The following NUP210 variants were observed in gnomAD, a reference collection of about 807,000 sequenced individuals.
NUP210 encodes the protein nuclear pore membrane glycoprotein 210.
In NUP210, 151 loss-of-function variants were observed where a neutral mutation model predicts 196.0. That is an observed-to-expected ratio of 0.77 (90% CI 0.67 to 0.88). The LOEUF is 0.88. Ranked by LOEUF, NUP210 falls within the 40% of genes least tolerant of loss-of-function variation. The probability of loss-of-function intolerance (pLI) is 0.00; values close to 1 mark genes in which losing one functional copy is unlikely to be tolerated. For synonymous variants in NUP210, 1,070 were observed against 1,052.7 expected, an observed-to-expected ratio of 1.02 and a Z score of -0.32; for missense variants, 2,314 against 2,493.7, an observed-to-expected ratio of 0.93 and a Z score of 1.53.
intron 3 of NUP210, among the ~76,000 whole-genome samples, chr3:13,395,941 G>A (rs918962432): frequency 3.3e-5 from 5 of 152,188 alleles, no homozygotes; most frequent in African/African-American, 9.7e-5. Context: ...GAGTACTCAC[G>A]CAAGACCGAA....
At chr3:13,341,557 T>C (rs1053666348) in intron 23 of NUP210, among the ~76,000 whole-genome samples, 191 bp downstream of exon 23, 1 of 152,200 alleles carries the variant, frequency 6.6e-6, no homozygotes, top group Admixed American at 6.5e-5. Context: ...CTCCCTCTGG[T>C]TCTGCCAGTC....
At chr3:13,351,176 A>C (rs938294771) in intron 20 of NUP210, among the ~76,000 whole-genome samples, 10 of 152,230 alleles carry the variant, frequency 6.6e-5, no homozygotes, top group African/African-American at 2.4e-4. Context: ...CAGAACATTA[A>C]ATTCTTCCAT....
In NUP210 at chr3:13,348,893, C is replaced by A. The variant is rs1028876218; in HGVS notation, c.2835+2986G>T. The A allele has an allele frequency of 2.1e-6, 2 of 964,070 alleles. No individual in the cohort carries two copies. Among genetic ancestry groups the A allele is most frequent in the Non-Finnish European group, 2.4e-6 (2 of 825,016 alleles). The allele number at this position is 964,070 out of a possible 1,614,324, so 59.7% of individuals were successfully genotyped here. A position where few individuals can be genotyped will look rare whatever the true frequency, so the allele number is the denominator to read the frequency against. On this transcript the variant is annotated intron_variant, in intron 20 of 39. Coordinates refer to ENST00000254508, the MANE Select transcript of NUP210 (RefSeq NM_024923.4). This position sits in a 1 kb window ranked among gnomAD's most constrained non-coding sequence, Gnocchi z 4.0. The stretch of plus-strand genomic sequence containing the variant: ...ACACCCCAAACACCAAACAAAAAAA[C>A]TGAATTAAAAAACTTATTAAACAGG...
At chr3:13,353,863 C>A (rs1346103928) in intron 17 of NUP210, 52 bp downstream of exon 17, 14 of 1,542,522 alleles carry the variant, frequency 9.1e-6, no homozygotes, top group Non-Finnish European at 1.1e-5. Context: ...GGCAGGCTTC[C>A]TGTCTGGTCT....
At chr3:13,401,256 GCT>G (rs1699827263) in intron 1 of NUP210, among the ~76,000 whole-genome samples, 2 of 21,740 alleles carry the variant, frequency 9.2e-5, no homozygotes, top group Non-Finnish European at 1.7e-4. Flanking sequence ...TGAGACTCTG[GCT>G]CAAAAAAAAA....
chr3:13,366,936 C>T (rs1698559607), intron 13 of NUP210, among the ~76,000 whole-genome samples: 1 of 150,464 alleles, frequency 6.6e-6, no homozygotes, highest in South Asian at 2.1e-4. Context: ...ACCAGCCTGA[C>T]CAACATGGAG....
At chr3:13,402,918 C>G (rs1004700956) in intron 1 of NUP210, among the ~76,000 whole-genome samples, 31 of 152,104 alleles carry the variant, frequency 2.0e-4, no homozygotes, top group African/African-American at 7.5e-4. Flanking sequence ...TCAGAACACT[C>G]GCAGCTGACA....
chr3:13,337,115 T>C, intron 26 of NUP210, 197 bp from the exon 27 acceptor site: 1 of 530,950 alleles, frequency 1.9e-6, no homozygotes, highest in East Asian at 3.9e-5. Flanking sequence ...CCCCATACTG[T>C]CCCTCCCCTG....
rs187846812 is a variant in NUP210 at position 13,317,864 on chromosome 3, G to A, written c.5564-83C>T. 6.4e-5 allele frequency: 63 copies of A among 979,594 alleles called. 2 individuals carry two copies. In the South Asian group the frequency reaches 8.3e-4, roughly 13 times the overall value. The allele number at this position is 979,594 out of a possible 1,614,324, so 60.7% of individuals were successfully genotyped here. A position where few individuals can be genotyped will look rare whatever the true frequency, so the allele number is the denominator to read the frequency against. On this transcript the variant is annotated intron_variant, in intron 39 of 39. Transcript: ENST00000254508. Reference sequence around the variant, plus strand: ...CAGTTACAGCCAGCATTCAGCAGGCGCCTGCCTCACCCAGGACACTCTCAC... The same window carrying A: ...CAGTTACAGCCAGCATTCAGCAGGCACCTGCCTCACCCAGGACACTCTCAC...
intron 1 of NUP210, among the ~76,000 whole-genome samples, chr3:13,412,968 C>G (rs1235771458): frequency 3.3e-5 from 5 of 151,722 alleles, no homozygotes; most frequent in African/African-American, 1.2e-4. Flanking sequence ...AAGACTCTGT[C>G]TCAAAAAAAG....
At chr3:13,392,989 T>C (rs761626312) in intron 3 of NUP210, among the ~76,000 whole-genome samples, 2 of 152,150 alleles carry the variant, frequency 1.3e-5, no homozygotes, top group Non-Finnish European at 2.9e-5. Flanking sequence ...GGAGTCCCTA[T>C]AATAGTGTGA....
At position 13,388,347 on chromosome 3, in the gene NUP210, C is replaced by T. The variant is rs150961039; in HGVS notation, c.640G>A (p.Gly214Arg). The change falls in exon 5 of 40, where the codon GGG (glycine) becomes AGG (arginine). Residue 214 changes from glycine (G) to arginine (R), a missense_variant. By Grantham distance (125) the Gly-to-Arg change is moderately radical. Transcript: ENST00000254508. ...DTILVSGMKT[G>R]SSKLKARIQE... is the part of the protein sequence containing the mutation. ...ATGCGAGCCTTGAGCTTGGAGCTCC[C>T]GGTCTTCATCCCAGACACCAGGATG... The T allele has an allele frequency of 3.3e-5, 54 of 1,612,728 alleles. No individual in the cohort carries two copies. Among genetic ancestry groups the T allele is most frequent in the Non-Finnish European group, 3.9e-5 (46 of 1,179,524 alleles).
rs1345873772 is a variant in NUP210, at chr3:13,336,893, G to A, written c.3578C>T (p.Thr1193Ile). Residue 1193 changes from threonine to isoleucine, a missense_variant, in exon 27 of 40, where the codon ACC (threonine) becomes ATC (isoleucine). By Grantham distance (89) the Thr-to-Ile change is moderately conservative. Transcript: ENST00000254508. ...TQMPIYVTGI[T>I]NHQNPFSFGN... ...AAAGGAGAAAGGGTTCTGGTGGTTG[G>A]TGATGCCGGTGACATAGATGGGCAT... 5 of 1,613,728 alleles carry A rather than the reference G, an allele frequency of 3.1e-6. No individual in the cohort carries two copies. The highest frequency in any genetic ancestry group is 3.4e-6 in the Non-Finnish European group (4 of 1,179,800).
chr3:13,349,315 G>T (rs1489503369), intron 20 of NUP210, among the ~76,000 whole-genome samples: 2 of 152,206 alleles, frequency 1.3e-5, no homozygotes, highest in Non-Finnish European at 2.9e-5. Context: ...AGGAGGGGCA[G>T]GATGTCAGCT....
rs774032638 is a variant in NUP210 at position 13,373,694 on chromosome 3, G to A, written c.1587+24C>T. 2.5e-6 allele frequency: 4 copies of A among 1,612,330 alleles called. No homozygotes were observed. In the African/African-American group the frequency reaches 5.3e-5, roughly 22 times the overall value. ...AGACCACCATCCGAGCCTCCCAGGG[G>A]GTGTCTTGGCCCTGAGATCTCACCT... is the stretch of plus-strand genomic sequence containing the variant. On this transcript the variant is annotated intron_variant, in intron 12 of 39. Coordinates refer to ENST00000254508, the MANE Select transcript of NUP210 (RefSeq NM_024923.4).
intron 1 of NUP210, among the ~76,000 whole-genome samples, chr3:13,401,943 C>T (rs1274680563): frequency 1.3e-5 from 2 of 151,918 alleles, no homozygotes; most frequent in Non-Finnish European, 2.9e-5. Context: ...GCCTCTAATC[C>T]TAACACTTTG....
rs372466921 is a variant in NUP210 at position 13,328,754 on chromosome 3, C to G, written c.4286+17G>C. ...GACAGGACTTCATAGGAGAAATGAC[C>G]CTTGCCCACATCCTACCTGTTAGTG... On this transcript the variant is annotated intron_variant, in intron 31 of 39. Transcript: ENST00000254508. 5.8e-5 allele frequency: 93 copies of G among 1,612,000 alleles called. No individual in the cohort carries two copies. Among genetic ancestry groups the G allele is most frequent in the Non-Finnish European group, 7.8e-5 (92 of 1,178,388 alleles).
At chr3:13,325,536 T>C (rs1696713373) in intron 33 of NUP210, among the ~76,000 whole-genome samples, 1 of 152,028 alleles carries the variant, frequency 6.6e-6, no homozygotes, top group South Asian at 2.1e-4. Flanking sequence ...CCCAAGCCCA[T>C]GGGAGCTGGA....
At chr3:13,382,973 G>A (rs937423631) in intron 6 of NUP210, among the ~76,000 whole-genome samples, 7 of 151,722 alleles carry the variant, frequency 4.6e-5, no homozygotes, top group African/African-American at 1.5e-4. Flanking sequence ...CAGAGAGACC[G>A]CATCTCTATT....
Sources: gnomAD v4.1 joint callset for allele counts (sites outside exome capture counted in the v4.1 genomes callset) on GRCh38, gnomAD v4.1.1 for gene constraint, Gnocchi (gnomAD v3.1) non-coding constraint, MANE v1.5 for transcripts, NCBI Gene and HGNC (gene_info 2026-07-23, HGNC 2026-07-21) for gene names.